RPTOR: variants seen among roughly 807,000 people sequenced by gnomAD.
RPTOR encodes the protein regulatory associated protein of MTOR complex 1, also known as regulatory-associated protein of mTOR.
Under a neutral mutation model 169.9 loss-of-function variants are expected in RPTOR, and 21 were observed. The observed-to-expected ratio is 0.12, with a 90% CI of 0.09 to 0.18. The LOEUF is 0.18. RPTOR is among the 10% of genes least tolerant of loss of function. The pLI is 1.00. For missense variants in RPTOR, 1,133 were observed against 1,855.9 expected, an observed-to-expected ratio of 0.61 and a Z score of 7.16; for synonymous variants, 732 against 753.2, an observed-to-expected ratio of 0.97 and a Z score of 0.46.
intron 7 of RPTOR, among the ~76,000 whole-genome samples, chr17:80,812,478 TGAG>T (rs1478655296): frequency 6.6e-6 from 1 of 152,194 alleles, no homozygotes; most frequent in Admixed American, 6.5e-5. Context: ...GCTCAACAAC[TGAG>T]GAGTTTCCCC....
chr17:80,561,253 A>G (rs1308862502), intron 1 of RPTOR, among the ~76,000 whole-genome samples: 1 of 6,230 alleles, frequency 1.6e-4, no homozygotes, highest in Non-Finnish European at 1.4e-3. Context: ...ATATATATGT[A>G]TATATATATG....
chr17:80,620,885 G>T (rs1164817354), intron 1 of RPTOR, among the ~76,000 whole-genome samples: 1 of 152,222 alleles, frequency 6.6e-6, no homozygotes, highest in African/African-American at 2.4e-5. Context: ...CTTTTGCCCA[G>T]TTTTGGAGTT....
chr17:80,625,758 A>G lies in RPTOR; in HGVS notation c.230A>G (p.Lys77Arg). 6.2e-7 allele frequency: 1 copy of G among 1,613,188 alleles called. No individual in the cohort carries two copies. Among genetic ancestry groups the G allele is most frequent in the Non-Finnish European group, 8.5e-7 (1 of 1,179,630 alleles). The stretch of plus-strand genomic sequence containing the variant: ...GGTGTGGACCCTCCCGATGTGGTGA[A>G]GACCACGCCCTGTGCACGCTTGGAA... ...NVGVDPPDVV[K>R]TTPCARLECW... The change falls in exon 2 of 34, where the codon AAG becomes AGG. Residue 77 changes from lysine (K) to arginine (R), a missense_variant. By Grantham distance (26) the Lys-to-Arg change is conservative (BLOSUM62 2). Coordinates refer to ENST00000306801, the MANE Select transcript of RPTOR (RefSeq NM_020761.3).
intron 25 of RPTOR, among the ~76,000 whole-genome samples, chr17:80,945,102 C>T (rs1023166593): frequency 6.6e-6 from 1 of 151,376 alleles, no homozygotes; most frequent in Non-Finnish European, 1.5e-5. Flanking sequence ...GAGACTACCC[C>T]GGGCAACACA....
intron 1 of RPTOR, among the ~76,000 whole-genome samples, chr17:80,606,923 C>G (rs1044015181): frequency 2.6e-5 from 4 of 152,154 alleles, no homozygotes; most frequent in African/African-American, 9.7e-5. Flanking sequence ...GGTTGAAATT[C>G]AACTTGAGAT....
chr17:80,703,781 T>G (rs1422409235), intron 3 of RPTOR, among the ~76,000 whole-genome samples: 1 of 152,202 alleles, frequency 6.6e-6, no homozygotes, highest in Non-Finnish European at 1.5e-5. Context: ...GGAAAACCTC[T>G]AATTGTTTCT....
At chr17:80,904,953 C>A (rs1254624689) in intron 20 of RPTOR, among the ~76,000 whole-genome samples, 1 of 152,150 alleles carries the variant, frequency 6.6e-6, no homozygotes, top group Middle Eastern at 3.2e-3. Flanking sequence ...AACAGTATTT[C>A]GACTTTGATA....
intron 3 of RPTOR, among the ~76,000 whole-genome samples, chr17:80,681,136 T>C (rs2065894935): frequency 6.6e-6 from 1 of 152,162 alleles, no homozygotes; most frequent in African/African-American, 2.4e-5. Flanking sequence ...GCATCTTCTC[T>C]TTAGCACCTG....
intron 2 of RPTOR, among the ~76,000 whole-genome samples, chr17:80,631,216 G>A (rs2065439413): frequency 6.6e-6 from 1 of 152,114 alleles, no homozygotes; most frequent in Admixed American, 6.5e-5. Flanking sequence ...ACAGGAATGT[G>A]TGCCTGTTCT....
At chr17:80,665,460 T>TG in intron 3 of RPTOR, among the ~76,000 whole-genome samples, 1 of 31,230 alleles carries the variant, frequency 3.2e-5, no homozygotes, top group African/African-American at 3.2e-4. Context: ...TTCCTTTCCT[T>TG]TCCTTTCCTT....
At chr17:80,943,152 C>T (rs1315964052) in intron 25 of RPTOR, among the ~76,000 whole-genome samples, 1 of 152,220 alleles carries the variant, frequency 6.6e-6, no homozygotes, top group Non-Finnish European at 1.5e-5. Flanking sequence ...CCGCAGACTC[C>T]GTGGCCCTGG....
intron 24 of RPTOR, among the ~76,000 whole-genome samples, chr17:80,932,675 A>G (rs2068912442): frequency 6.6e-6 from 1 of 152,232 alleles, no homozygotes; most frequent in Non-Finnish European, 1.5e-5. Flanking sequence ...AAAATGAAGC[A>G]CAAAGACTAC....
intron 1 of RPTOR, among the ~76,000 whole-genome samples, chr17:80,623,140 T>TTTG (rs1363399270): frequency 6.6e-6 from 1 of 152,204 alleles, no homozygotes; most frequent in Non-Finnish European, 1.5e-5. Context: ...CTGTCATCAT[T>TTTG]TTGTTATTAT....
chr17:80,657,734 T>A (rs1006545423), intron 3 of RPTOR, among the ~76,000 whole-genome samples: 1 of 152,318 alleles, frequency 6.6e-6, no homozygotes, highest in Non-Finnish European at 1.5e-5. Context: ...ATTTATTTAC[T>A]GGATAGGGGA....
intron 13 of RPTOR, among the ~76,000 whole-genome samples, chr17:80,872,244 G>A (rs976374293): frequency 2.0e-5 from 3 of 152,188 alleles, no homozygotes; most frequent in South Asian, 2.1e-4. Context: ...AGGGGACTCC[G>A]GGTGATGCTT....
chr17:80,545,180 C>T lies in RPTOR; in HGVS notation c.-450C>T, dbSNP rs1194878842. 1 of 234,800 alleles carries T rather than the reference C, an allele frequency of 4.3e-6. No individual in the cohort carries two copies. Among genetic ancestry groups the T allele is most frequent in the East Asian group, 6.0e-5 (1 of 16,610 alleles). 14.5% of individuals were successfully genotyped at this position (234,800 alleles called of 1,614,324 possible). A position where few individuals can be genotyped will look rare whatever the true frequency, so the allele number is the denominator to read the frequency against. ...GGGCCCTTTGAACCCGATCCCTTGG[C>T]CGGAGACCTCAGCCCAGTCGGCCCA... On this transcript the variant is annotated 5_prime_UTR_variant, in exon 1 of 34. Coordinates refer to ENST00000306801, the MANE Select transcript of RPTOR (RefSeq NM_020761.3).
chr17:80,608,795 C>A (rs563450664), intron 1 of RPTOR, among the ~76,000 whole-genome samples: 1 of 152,120 alleles, frequency 6.6e-6, no homozygotes, highest in African/African-American at 2.4e-5. Flanking sequence ...TCTTCAGAGT[C>A]CTTTGGTGTT....
At chr17:80,761,462 A>G (rs1598287198) in intron 6 of RPTOR, among the ~76,000 whole-genome samples, 1 of 152,198 alleles carries the variant, frequency 6.6e-6, no homozygotes, top group African/African-American at 2.4e-5. Context: ...TCGCTCCTGC[A>G]TTGCCCGCAG....
In RPTOR at chr17:80,965,043, A is replaced by G. The variant is rs898641880; in HGVS notation, c.*713A>G. On this transcript the variant is annotated 3_prime_UTR_variant, in exon 34 of 34. Transcript: ENST00000306801. ...CTGGACTCCAGTTTTGGCCCCTCTCACACAGAGCTGTCAGCAGGGGCCGCT... is the reference window on the plus strand; with the variant it reads ...CTGGACTCCAGTTTTGGCCCCTCTCGCACAGAGCTGTCAGCAGGGGCCGCT... 12 of 233,140 alleles carry G rather than the reference A, an allele frequency of 5.1e-5. No homozygotes were observed. The highest frequency in any genetic ancestry group is 9.3e-5 in the Non-Finnish European group (11 of 118,058). 14.4% of individuals were successfully genotyped at this position (233,140 alleles called of 1,614,324 possible). A position where few individuals can be genotyped will look rare whatever the true frequency, so the allele number is the denominator to read the frequency against.
Sources: allele counts gnomAD v4.1 joint callset (sites outside exome capture counted in the v4.1 genomes callset), GRCh38; gene constraint gnomAD v4.1.1; transcripts MANE v1.5; gene names NCBI Gene and HGNC (gene_info 2026-07-23, HGNC 2026-07-21).